PLEKHH1: variants seen among roughly 807,000 people sequenced by gnomAD.
The protein encoded by PLEKHH1 is pleckstrin homology, MyTH4 and FERM domain containing H1.
In PLEKHH1, 104 loss-of-function variants were observed where a neutral mutation model predicts 160.0. The observed-to-expected ratio is 0.65, with a 90% confidence interval of 0.55 to 0.76. PLEKHH1 has a LOEUF of 0.76. Among genes scored for constraint, PLEKHH1 ranks in the 30% least tolerant of loss-of-function variants. The pLI is 0.00. For missense variants in PLEKHH1, 1,427 were observed against 1,724.1 expected (o/e 0.83, Z 3.05); for synonymous variants, 619 against 678.4 (o/e 0.91, Z 1.36).
At chr14:67,561,469 T>G (rs1391082888) in intron 5 of PLEKHH1, among the ~76,000 whole-genome samples, 1 of 151,950 alleles carries the variant, frequency 6.6e-6, no homozygotes, top group Non-Finnish European at 1.5e-5. Flanking sequence ...GAGGCTAAGG[T>G]GGGAGGATGG....
intron 1 of PLEKHH1, among the ~76,000 whole-genome samples, chr14:67,535,159 GA>G (rs1257345412): frequency 3.3e-5 from 5 of 152,206 alleles, no homozygotes; most frequent in Admixed American, 6.5e-5. Context: ...ACATACATAT[GA>G]ATGCCTGTAG....
intron 7 of PLEKHH1, among the ~76,000 whole-genome samples, chr14:67,566,467 G>A (rs1390015863): frequency 1.3e-5 from 2 of 152,036 alleles, no homozygotes; most frequent in East Asian, 1.9e-4. Flanking sequence ...GTCTTGAGCC[G>A]GGTACAGTGG....
At position 67,585,586 on chromosome 14, in the gene PLEKHH1, AAGG is replaced by A. The variant is rs1326626131; in HGVS notation, c.3721_3723del (p.Glu1241del). 3 of 1,583,222 alleles carry A rather than the reference AAGG, an allele frequency of 1.9e-6. No homozygotes were observed. Among genetic ancestry groups the A allele is most frequent in the East Asian group, 2.3e-5 (1 of 43,544 alleles). ...TCCCCAGCCTGCCCAGCTGTCTTCC[AAGG>A]AGAACGCTCTGGTGTGGATTGCTGT... On this transcript the variant is annotated inframe_deletion, in exon 27 of 29. Transcript: ENST00000329153.
At chr14:67,575,358 G>A (rs760962194) in intron 14 of PLEKHH1, 34 bp from the exon 15 acceptor site, 4 of 1,321,634 alleles carry the variant, frequency 3.0e-6, no homozygotes, top group South Asian at 1.3e-5. Flanking sequence ...GAGTTACCTA[G>A]TTCTCATAAT....
At position 67,589,350 on chromosome 14, in the gene PLEKHH1, C is replaced by G. The variant is rs2036294969; in HGVS notation, c.*2115C>G. On this transcript the variant is annotated 3_prime_UTR_variant, in exon 29 of 29. Coordinates refer to ENST00000329153, the MANE Select transcript of PLEKHH1 (RefSeq NM_020715.3). Reference sequence around the variant, plus strand: ...ATTTATTCTTTGTTAACATGAGAGTCCCATGTCTGAAAACCAAAGTCCAAT... The same window carrying G: ...ATTTATTCTTTGTTAACATGAGAGTGCCATGTCTGAAAACCAAAGTCCAAT... 2 of 982,660 alleles carry G rather than the reference C, an allele frequency of 2.0e-6. No individual in the cohort carries two copies. Among genetic ancestry groups the G allele is most frequent in the Admixed American group, 1.2e-4 (2 of 16,254 alleles). 60.9% of individuals were successfully genotyped at this position (982,660 alleles called of 1,614,324 possible). A position where few individuals can be genotyped will look rare whatever the true frequency, so the allele number is the denominator to read the frequency against.
intron 9 of PLEKHH1, chr14:67,570,469 T>G (rs1242926525): frequency 5.4e-6 from 1 of 186,754 alleles, no homozygotes; most frequent in Non-Finnish European, 1.0e-5. Flanking sequence ...TTGATAAAAT[T>G]TTTTATAGAA....
rs1330203252 is a variant in PLEKHH1 at position 67,582,396 on chromosome 14, G to C, written c.3426+186G>C. ...AGCTCCTCACTCACCGCAGATATAGGATGCGTGCAGATGGCTGGACTTGGA... is the reference window on the plus strand; with the variant it reads ...AGCTCCTCACTCACCGCAGATATAGCATGCGTGCAGATGGCTGGACTTGGA... On this transcript the variant is annotated intron_variant, in intron 24 of 28. Coordinates refer to ENST00000329153, the MANE Select transcript of PLEKHH1 (RefSeq NM_020715.3). The surrounding 1 kb of genome is among the most constrained non-coding windows in gnomAD (Gnocchi z 5.0). 1.1e-6 allele frequency: 1 copy of C among 941,612 alleles called. No homozygotes were observed. Among genetic ancestry groups the C allele is most frequent in the Non-Finnish European group, 1.6e-6 (1 of 637,092 alleles). 58.3% of individuals were successfully genotyped at this position (941,612 alleles called of 1,614,324 possible). A position where few individuals can be genotyped will look rare whatever the true frequency, so the allele number is the denominator to read the frequency against.
intron 2 of PLEKHH1, among the ~76,000 whole-genome samples, chr14:67,544,796 A>G (rs924801422): frequency 3.3e-5 from 5 of 152,262 alleles, no homozygotes; most frequent in African/African-American, 4.8e-5. Flanking sequence ...AATGGACAGG[A>G]AGACAGACCT....
chr14:67,581,369 G>A (rs1424070168), intron 23 of PLEKHH1, among the ~76,000 whole-genome samples: 1 of 151,620 alleles, frequency 6.6e-6, no homozygotes, highest in Non-Finnish European at 1.5e-5. Flanking sequence ...TACAAAAAAT[G>A]CAAAAATTAG....
intron 7 of PLEKHH1, among the ~76,000 whole-genome samples, chr14:67,567,082 C>G (rs1374941850): frequency 1.3e-5 from 2 of 152,102 alleles, no homozygotes; most frequent in East Asian, 3.9e-4. Context: ...TAACTTGCTC[C>G]TGGGGAAAAC....
chr14:67,568,025 G>A (rs1186019792), intron 7 of PLEKHH1, among the ~76,000 whole-genome samples: 1 of 152,204 alleles, frequency 6.6e-6, no homozygotes, highest in African/African-American at 2.4e-5. Flanking sequence ...TTCTCCCAGT[G>A]TCTTCTGCAT....
chr14:67,563,027 A>G (rs2034915076), intron 7 of PLEKHH1, 133 bp downstream of exon 7: 2 of 881,030 alleles, frequency 2.3e-6, no homozygotes, highest in Non-Finnish European at 1.7e-6. Flanking sequence ...GGCAGGTACC[A>G]TGGAGCCTGT....
chr14:67,573,971 CAA>C lies in PLEKHH1; in HGVS notation c.1926+86_1926+87del. The C allele has an allele frequency of 2.0e-6, 2 of 976,456 alleles. No homozygotes were observed. The highest frequency in any genetic ancestry group is 2.3e-4 in the Middle Eastern group (1 of 4,294). The allele number at this position is 976,456 out of a possible 1,614,324, so 60.5% of individuals were successfully genotyped here. A position where few individuals can be genotyped will look rare whatever the true frequency, so the allele number is the denominator to read the frequency against. On this transcript the variant is annotated intron_variant, in intron 13 of 28. Transcript: ENST00000329153. The surrounding 1 kb of genome is among the most constrained non-coding windows in gnomAD (Gnocchi z 4.8). ...GCCGTGAGTGAGACAAAGATGGGGC[CAA>C]ATGAGCATGAATGAAAGACTTCAGA...
At position 67,582,101 on chromosome 14, in the gene PLEKHH1, C is replaced by T. The variant is rs745537882; in HGVS notation, c.3317C>T (p.Thr1106Met). 14 of 1,612,648 alleles carry T rather than the reference C, an allele frequency of 8.7e-6. No individual in the cohort carries two copies. The highest frequency in any genetic ancestry group is 2.2e-5 in the South Asian group (2 of 90,758). Residue 1106 changes from threonine to methionine, a missense_variant, in exon 24 of 29, where the codon ACG becomes ATG. Coordinates refer to ENST00000329153, the MANE Select transcript of PLEKHH1 (RefSeq NM_020715.3). This position sits in a 1 kb window ranked among gnomAD's most constrained non-coding sequence, Gnocchi z 5.0. ...TTTCGCAGTCAAGTCAAAGGGGAGA[C>T]GGACCGAGAACGGCTGCTCCTTGCC... ...LYFRSQVKGETDRERLLLASQ... is the reference protein window; with the variant it reads ...LYFRSQVKGEMDRERLLLASQ...
At chr14:67,549,125 A>C (rs1196773856) in intron 2 of PLEKHH1, among the ~76,000 whole-genome samples, 2 of 152,216 alleles carry the variant, frequency 1.3e-5, no homozygotes, top group Non-Finnish European at 2.9e-5. Flanking sequence ...AGTTGGAAGT[A>C]TGTTGAAGTT....
chr14:67,575,833 G>C lies in PLEKHH1; in HGVS notation c.2180G>C (p.Gly727Ala). Residue 727 changes from glycine (G) to alanine (A), a missense_variant, in exon 16 of 29, where the codon GGC becomes GCC. Physicochemically the swap from Gly to Ala is moderately conservative, Grantham distance 60. Transcript: ENST00000329153. ...GACTGCTGTCCACAGCGACCCCTGG[G>C]CTGCCTGCCTGTGCGGGATGCGCAC... Reference protein sequence around the residue: ...YRSHEDKRPLGCLPVRDAHIE... With the variant: ...YRSHEDKRPLACLPVRDAHIE... The C allele has an allele frequency of 6.2e-7, 1 of 1,613,430 alleles. No individual in the cohort carries two copies. The highest frequency in any genetic ancestry group is 8.5e-7 in the Non-Finnish European group (1 of 1,179,554).
intron 7 of PLEKHH1, among the ~76,000 whole-genome samples, chr14:67,567,548 C>T (rs975304519): frequency 1.3e-5 from 2 of 152,100 alleles, no homozygotes; most frequent in Admixed American, 6.6e-5. Flanking sequence ...CCTACACGAG[C>T]ACAGAAACTC....
chr14:67,561,813 T>A, intron 5 of PLEKHH1, 141 bp from the exon 6 acceptor site: 1 of 659,568 alleles, frequency 1.5e-6, no homozygotes, highest in Non-Finnish European at 2.6e-6. Flanking sequence ...AAGGCTGCAG[T>A]GAGCCAAAAT....
At chr14:67,565,013 T>C (rs1454777150) in intron 7 of PLEKHH1, among the ~76,000 whole-genome samples, 1 of 152,056 alleles carries the variant, frequency 6.6e-6, no homozygotes, top group Non-Finnish European at 1.5e-5. Flanking sequence ...TTTTCCATGA[T>C]AAAAAGTTAA....
Sources: gnomAD v4.1 joint callset for allele counts (sites outside exome capture counted in the v4.1 genomes callset) on GRCh38, gnomAD v4.1.1 for gene constraint, Gnocchi (gnomAD v3.1) non-coding constraint, MANE v1.5 for transcripts, NCBI Gene and HGNC (gene_info 2026-07-23, HGNC 2026-07-21) for gene names.